SLC22A3: variants seen among roughly 807,000 people sequenced by gnomAD.
The protein encoded by SLC22A3 is solute carrier family 22 member 3, also known as EMT organic cation transporter 3.
In SLC22A3, 51 loss-of-function variants were observed where a neutral mutation model predicts 59.1. That is an observed-to-expected ratio of 0.86 (90% CI 0.69 to 1.09). The LOEUF is 1.09. Ranked by LOEUF, SLC22A3 falls within the 50% of genes least tolerant of loss-of-function variation. The pLI, the probability that SLC22A3 is intolerant of heterozygous loss-of-function variation, is 0.00. For synonymous variants in SLC22A3, 325 were observed against 292.0 expected, an observed-to-expected ratio of 1.11 and a Z score of -1.15; for missense variants, 711 against 726.3, an observed-to-expected ratio of 0.98 and a Z score of 0.24.
intron 5 of SLC22A3, among the ~76,000 whole-genome samples, chr6:160,435,181 G>A (rs994950657): frequency 3.9e-5 from 6 of 152,136 alleles, no homozygotes; most frequent in African/African-American, 4.8e-5. Context: ...AAAATTCTAC[G>A]TATTCTCAAA....
At chr6:160,430,370 G>A (rs1175908595) in intron 5 of SLC22A3, among the ~76,000 whole-genome samples, 3 of 152,026 alleles carry the variant, frequency 2.0e-5, no homozygotes, top group Non-Finnish European at 2.9e-5. Context: ...TCTGACCCGA[G>A]ACCAGTCCTC....
chr6:160,416,872 A>G (rs906801762), intron 5 of SLC22A3, among the ~76,000 whole-genome samples: 19 of 152,230 alleles, frequency 1.2e-4, no homozygotes, highest in African/African-American at 4.6e-4. Flanking sequence ...TGCCCCAGGT[A>G]CTGAATTTGT....
At chr6:160,420,959 C>A (rs1409229077) in intron 5 of SLC22A3, among the ~76,000 whole-genome samples, 2 of 152,188 alleles carry the variant, frequency 1.3e-5, no homozygotes, top group South Asian at 2.1e-4. Context: ...TTCCGCACCC[C>A]TTCCTCCGCA....
intron 1 of SLC22A3, among the ~76,000 whole-genome samples, chr6:160,380,898 T>C (rs1242866825): frequency 6.6e-6 from 1 of 152,170 alleles, no homozygotes; most frequent in African/African-American, 2.4e-5. Context: ...ACAATTGAGG[T>C]GTTCAGCTTC....
At chr6:160,348,941 G>T (rs1784569933) in intron 1 of SLC22A3, 93 bp downstream of exon 1, 1 of 1,530,358 alleles carries the variant, frequency 6.5e-7, no homozygotes, top group Middle Eastern at 2.3e-4. Context: ...GCCGCCAGGG[G>T]AGGTCGGTGG....
chr6:160,432,715 G>T (rs796251847), intron 5 of SLC22A3, among the ~76,000 whole-genome samples: 17 of 152,230 alleles, frequency 1.1e-4, no homozygotes, highest in African/African-American at 3.9e-4. Flanking sequence ...AATTTTCAGA[G>T]ATTATTTGTA....
chr6:160,401,299 A>G (rs1301580035), intron 2 of SLC22A3, among the ~76,000 whole-genome samples: 1 of 152,030 alleles, frequency 6.6e-6, no homozygotes, highest in Non-Finnish European at 1.5e-5. Context: ...AAAATTCTGA[A>G]AGAAGAGTGG....
rs374856236 is a variant in SLC22A3 at position 160,449,066 on chromosome 6, A to C, written c.1610+1248A>C. ...GACTGCCTTCTGTTTACACAATGAG[A>C]GTGATGCTTTCATTCTTTATCCCCA... On this transcript the variant is annotated intron_variant, in intron 10 of 10. Coordinates refer to ENST00000275300, the MANE Select transcript of SLC22A3 (RefSeq NM_021977.4). 3.9e-5 allele frequency among the ~76,000 whole-genome samples: 6 copies of C among 152,104 alleles called. No individual in the cohort carries two copies. In the East Asian group the frequency reaches 5.8e-4, roughly 15 times the overall value.
intron 2 of SLC22A3, among the ~76,000 whole-genome samples, chr6:160,400,760 C>G (rs766948065): frequency 1.3e-5 from 2 of 151,378 alleles, no homozygotes; most frequent in Non-Finnish European, 2.9e-5. Flanking sequence ...GAATGTAAAA[C>G]AACTATGCCA....
intron 7 of SLC22A3, among the ~76,000 whole-genome samples, chr6:160,440,913 A>G (rs1263802718): frequency 6.6e-6 from 1 of 152,090 alleles, no homozygotes; most frequent in East Asian, 1.9e-4. Context: ...TACTGAATTG[A>G]CTGGCTATTT....
At chr6:160,368,013 T>G (rs1169326759) in intron 1 of SLC22A3, among the ~76,000 whole-genome samples, 1 of 151,930 alleles carries the variant, frequency 6.6e-6, no homozygotes, top group Non-Finnish European at 1.5e-5. Flanking sequence ...GAGACACCAC[T>G]CCCAGTACAT....
At chr6:160,402,393 A>G (rs1439740705) in intron 2 of SLC22A3, among the ~76,000 whole-genome samples, 1 of 151,972 alleles carries the variant, frequency 6.6e-6, no homozygotes, top group East Asian at 1.9e-4. Flanking sequence ...AGAGGCAAAA[A>G]CTGTGATAAA....
intron 1 of SLC22A3, among the ~76,000 whole-genome samples, chr6:160,384,094 T>G (rs1275207283): frequency 6.6e-6 from 1 of 152,168 alleles, no homozygotes; most frequent in Non-Finnish European, 1.5e-5. Flanking sequence ...CAGGACCAGC[T>G]AATTCTTGTA....
intron 1 of SLC22A3, among the ~76,000 whole-genome samples, chr6:160,369,533 G>A (rs982429934): frequency 2.0e-5 from 3 of 151,952 alleles, no homozygotes; most frequent in African/African-American, 7.3e-5. Flanking sequence ...TTTTTTGTGG[G>A]TCTTTTAGAA....
At chr6:160,401,828 A>C (rs1418380473) in intron 2 of SLC22A3, among the ~76,000 whole-genome samples, 1 of 151,966 alleles carries the variant, frequency 6.6e-6, no homozygotes, top group Non-Finnish European at 1.5e-5. Context: ...TGTATATTGT[A>C]AACTCTAAAG....
intron 1 of SLC22A3, among the ~76,000 whole-genome samples, chr6:160,378,755 G>A (rs1436368092): frequency 6.6e-6 from 1 of 152,106 alleles, no homozygotes; most frequent in Non-Finnish European, 1.5e-5. Context: ...GCTTACACTA[G>A]CCTGCAGTCG....
chr6:160,394,188 G>A (rs1384935391), intron 1 of SLC22A3, among the ~76,000 whole-genome samples: 1 of 152,214 alleles, frequency 6.6e-6, no homozygotes, highest in Non-Finnish European at 1.5e-5. Context: ...ATTGCCTTAG[G>A]AGAAGGACAT....
chr6:160,410,704 T>C, intron 4 of SLC22A3, 25 bp from the exon 5 acceptor site: 1 of 1,461,396 alleles, frequency 6.8e-7, no homozygotes, highest in African/African-American at 1.4e-5. Flanking sequence ...TAGACATAAC[T>C]CACAACAGCC....
At chr6:160,388,822 A>G (rs995990892) in intron 1 of SLC22A3, among the ~76,000 whole-genome samples, 1 of 152,246 alleles carries the variant, frequency 6.6e-6, no homozygotes, top group Non-Finnish European at 1.5e-5. Flanking sequence ...AAGAATAAGT[A>G]TGATGAAAAT....
Sources: allele counts gnomAD v4.1 joint callset (sites outside exome capture counted in the v4.1 genomes callset), GRCh38; gene constraint gnomAD v4.1.1; transcripts MANE v1.5; gene names NCBI Gene and HGNC (gene_info 2026-07-23, HGNC 2026-07-21).